The following TRAM1 variants were observed in gnomAD, a reference collection of about 807,000 sequenced individuals.
The protein encoded by TRAM1 is translocating chain-associated membrane protein 1.
Under a neutral mutation model 48.7 loss-of-function variants are expected in TRAM1, and 17 were observed. The observed-to-expected ratio is 0.35, with a 90% confidence interval of 0.24 to 0.52. The LOEUF (loss-of-function observed/expected upper bound fraction) is 0.52. TRAM1 is among the 20% of genes least tolerant of loss of function. The pLI is 0.94. For synonymous variants in TRAM1, 182 were observed against 154.0 expected (o/e 1.18, Z -1.34); for missense variants, 351 against 441.5 (o/e 0.79, Z 1.84).
At chr8:70,579,372 A>T (rs978289980) in intron 10 of TRAM1, among the ~76,000 whole-genome samples, 3 of 152,250 alleles carry the variant, frequency 2.0e-5, no homozygotes, top group African/African-American at 7.2e-5. Context: ...TTATAGGACC[A>T]GTGTCATAAA....
intron 6 of TRAM1, among the ~76,000 whole-genome samples, chr8:70,593,242 A>G (rs2132036965): frequency 6.6e-6 from 1 of 152,270 alleles, no homozygotes; most frequent in Admixed American, 6.5e-5. Flanking sequence ...AGATACACAG[A>G]ACACAGACAC....
At chr8:70,588,940 T>C (rs1480209867) in intron 6 of TRAM1, among the ~76,000 whole-genome samples, 1 of 152,230 alleles carries the variant, frequency 6.6e-6, no homozygotes, top group Non-Finnish European at 1.5e-5. Flanking sequence ...CTGAACTGTG[T>C]TCCTCTGCAG....
intron 1 of TRAM1, chr8:70,607,043 G>A: frequency 1.1e-6 from 1 of 890,808 alleles, no homozygotes; most frequent in Non-Finnish European, 1.3e-6. Context: ...ATGCAGGAGA[G>A]AGGAGACAAA....
intron 10 of TRAM1, among the ~76,000 whole-genome samples, chr8:70,579,927 G>T (rs1177481496): frequency 3.3e-5 from 5 of 152,144 alleles, no homozygotes; most frequent in Non-Finnish European, 7.4e-5. Context: ...GAATTAGGAA[G>T]ACTTTTTTCA....
At chr8:70,607,299 T>G in intron 1 of TRAM1, 1 of 985,424 alleles carries the variant, frequency 1.0e-6, no homozygotes, top group Non-Finnish European at 1.2e-6. Context: ...CTCTCCTACT[T>G]CAAGAAACAA....
intron 10 of TRAM1, among the ~76,000 whole-genome samples, chr8:70,576,746 T>C (rs1172418379): frequency 3.9e-5 from 6 of 152,092 alleles, no homozygotes; most frequent in Non-Finnish European, 5.9e-5. Flanking sequence ...GGCTGTGTGC[T>C]CCACATAGCT....
chr8:70,582,144 G>T (rs909234783), intron 10 of TRAM1, among the ~76,000 whole-genome samples: 1 of 152,220 alleles, frequency 6.6e-6, no homozygotes. Context: ...ATTACTTGGA[G>T]AAATTAAAGA....
chr8:70,588,271 A>T (rs574993967), intron 6 of TRAM1, among the ~76,000 whole-genome samples: 29 of 152,188 alleles, frequency 1.9e-4, no homozygotes, highest in Non-Finnish European at 3.2e-4. Context: ...TCACACCAGC[A>T]TCTTTTAAAA....
At chr8:70,607,465 T>C in intron 1 of TRAM1, 1 of 985,456 alleles carries the variant, frequency 1.0e-6, no homozygotes, top group South Asian at 4.7e-5. Flanking sequence ...ACTGCGCCGG[T>C]GCCCGGCGGC....
chr8:70,602,245 G>C (rs138827884), intron 1 of TRAM1, among the ~76,000 whole-genome samples: 2 of 152,232 alleles, frequency 1.3e-5, no homozygotes, highest in South Asian at 4.1e-4. Flanking sequence ...TAAGTAGTGA[G>C]AGCAGGAGCT....
chr8:70,607,290 T>C (rs779605755), intron 1 of TRAM1: 16 of 985,138 alleles, frequency 1.6e-5, no homozygotes, highest in Middle Eastern at 5.2e-4. Context: ...ATTCCCATCC[T>C]CTCCTACTTC....
In TRAM1 at chr8:70,597,933, G is replaced by T. The variant is rs766803211; in HGVS notation, c.388C>A (p.Leu130Ile). The T allele has an allele frequency of 6.2e-7, 1 of 1,601,732 alleles. No homozygotes were observed. Among genetic ancestry groups the T allele is most frequent in the African/African-American group, 1.3e-5 (1 of 74,672 alleles). ...AATGTGCCCCAAACACAGGCAAAAAGGTAGAACGCACTAAGCTGACCAGAT... is the reference window on the plus strand; with the variant it reads ...AATGTGCCCCAAACACAGGCAAAAATGTAGAACGCACTAAGCTGACCAGAT... ...NESGQLSAFY[L>I]FACVWGTFIL... Residue 130 changes from leucine (L) to isoleucine (I), a missense_variant, in exon 4 of 11, where the codon CTT becomes ATT. Leu to Ile is a conservative substitution (Grantham distance 5, BLOSUM62 2). Transcript: ENST00000262213.
intron 1 of TRAM1, among the ~76,000 whole-genome samples, chr8:70,606,707 T>A (rs1015643731): frequency 2.1e-5 from 3 of 145,388 alleles, no homozygotes; most frequent in African/African-American, 4.9e-5. Context: ...ACCTGCTACC[T>A]CCTTAGCAGT....
At chr8:70,588,496 A>C (rs1371334270) in intron 6 of TRAM1, among the ~76,000 whole-genome samples, 1 of 152,164 alleles carries the variant, frequency 6.6e-6, no homozygotes, top group Non-Finnish European at 1.5e-5. Context: ...AAGCTGAGGC[A>C]GAAAGATTGC....
chr8:70,579,344 G>A (rs974401241), intron 10 of TRAM1, among the ~76,000 whole-genome samples: 2 of 152,184 alleles, frequency 1.3e-5, no homozygotes, highest in Non-Finnish European at 2.9e-5. Context: ...AATGGTATTG[G>A]AGAAATAAAG....
intron 10 of TRAM1, among the ~76,000 whole-genome samples, chr8:70,576,863 A>G (rs1586748662): frequency 6.6e-6 from 1 of 151,842 alleles, no homozygotes; most frequent in South Asian, 2.1e-4. Context: ...AAGCCCTACT[A>G]CCTCTGCAGG....
At position 70,586,329 on chromosome 8, in the gene TRAM1, G is replaced by C. The variant is rs185585850; in HGVS notation, c.746+566C>G. ...GGAGATATACCTAATGCTAAATGAC[G>C]AGTTAATGGGTGCAGCACACCAACA... On this transcript the variant is annotated intron_variant, in intron 8 of 10. Transcript: ENST00000262213. 9.4e-5 allele frequency among the ~76,000 whole-genome samples: 14 copies of C among 148,992 alleles called. No individual in the cohort carries two copies. The South Asian group carries it at 3.0e-3, about 32-fold the overall frequency.
Position 70,583,241 on chromosome 8 carries a change from T to A in TRAM1, c.974A>T (p.Glu325Val). 6.2e-7 allele frequency: 1 copy of A among 1,613,984 alleles called. No individual in the cohort carries two copies. Among genetic ancestry groups the A allele is most frequent in the Non-Finnish European group, 8.5e-7 (1 of 1,179,980 alleles). ...FINFQLRRWREHSAFQAPAVK... is the reference protein window; with the variant it reads ...FINFQLRRWRVHSAFQAPAVK... ...AGCTGGTGCCTGAAAAGCAGAATGT[T>A]CCCTCCACCTTCGAAGCTGAAAATT... is the stretch of plus-strand genomic sequence containing the variant. Residue 325 changes from glutamate to valine, a missense_variant, in exon 10 of 11, where the codon GAA becomes GTA. By Grantham distance (121) the Glu-to-Val change is moderately radical. Coordinates refer to ENST00000262213, the MANE Select transcript of TRAM1 (RefSeq NM_014294.6).
chr8:70,590,805 A>G (rs1349672788), intron 6 of TRAM1, among the ~76,000 whole-genome samples: 1 of 152,272 alleles, frequency 6.6e-6, no homozygotes, highest in Non-Finnish European at 1.5e-5. Context: ...ATTATCAAGA[A>G]ACCTTTTTCT....
Sources: allele counts gnomAD v4.1 joint callset (sites outside exome capture counted in the v4.1 genomes callset), GRCh38; gene constraint gnomAD v4.1.1; transcripts MANE v1.5; gene names NCBI Gene and HGNC (gene_info 2026-07-23, HGNC 2026-07-21).